Variants in EPS15 observed in about 807,000 individuals in gnomAD.
The protein encoded by EPS15 is epidermal growth factor receptor substrate 15.
EPS15 carries 72 observed loss-of-function variants against 113.8 expected under a neutral mutation model. The observed-to-expected ratio is 0.63, with a 90% CI of 0.52 to 0.77. EPS15 has a LOEUF of 0.77. Ranked by LOEUF, EPS15 falls within the 30% of genes least tolerant of loss-of-function variation. The probability of loss-of-function intolerance (pLI) is 0.00; values close to 1 mark genes in which losing one functional copy is unlikely to be tolerated. For synonymous variants in EPS15, 344 were observed against 363.4 expected, an observed-to-expected ratio of 0.95 and a Z score of 0.61; for missense variants, 1,048 against 1,045.8, an observed-to-expected ratio of 1.00 and a Z score of -0.03.
intron 24 of EPS15, among the ~76,000 whole-genome samples, chr1:51,357,418 A>ATATATATATATG (rs1646256876): frequency 1.5e-5 from 1 of 68,960 alleles, no homozygotes; most frequent in Non-Finnish European, 2.5e-5. Context: ...ATATATATAT[A>ATATATATATATG]TATATATATT....
intron 11 of EPS15, among the ~76,000 whole-genome samples, chr1:51,443,066 A>G (rs2148477270): frequency 6.6e-6 from 1 of 152,316 alleles, no homozygotes; most frequent in South Asian, 2.1e-4. Context: ...TAGATAAGAT[A>G]GCAGTGATAA....
At chr1:51,400,284 A>G (rs888626062) in intron 19 of EPS15, among the ~76,000 whole-genome samples, 1 of 152,244 alleles carries the variant, frequency 6.6e-6, no homozygotes, top group Non-Finnish European at 1.5e-5. Context: ...ACAAAATTAC[A>G]TTCTAAACCC....
Position 51,363,965 on chromosome 1 carries a change from T to C in EPS15, c.2260A>G (p.Lys754Glu). Residue 754 changes from lysine to glutamate, a missense_variant, in exon 23 of 25, where the codon AAA becomes GAA. Transcript: ENST00000371733. Reference protein sequence around the residue: ...SSSVSNVVITKNVFEETSVKS... With the variant: ...SSSVSNVVITENVFEETSVKS... The stretch of plus-strand genomic sequence containing the variant: ...ACCGATGTTTCCTCAAATACATTTT[T>C]TGTAATCACTACGTTGCTGACAGAG... The C allele has an allele frequency of 2.5e-6, 4 of 1,613,956 alleles. No individual in the cohort carries two copies. Among genetic ancestry groups the C allele is most frequent in the South Asian group, 1.1e-5 (1 of 91,026 alleles).
At chr1:51,411,848 C>T (rs936317663) in intron 13 of EPS15, among the ~76,000 whole-genome samples, 10 of 152,160 alleles carry the variant, frequency 6.6e-5, no homozygotes, top group Non-Finnish European at 1.3e-4. Flanking sequence ...CCAGCAATCC[C>T]ATTACTGGGT....
In EPS15 at chr1:51,356,171, T is replaced by A; in HGVS notation, c.*529A>T. On this transcript the variant is annotated 3_prime_UTR_variant, in exon 25 of 25. Coordinates refer to ENST00000371733, the MANE Select transcript of EPS15 (RefSeq NM_001981.3). ...TAAATCTGTGCAAAATATTTTTCCTTATCTCTGAAAAACAAATTAAGTAGA... is the reference window on the plus strand; with the variant it reads ...TAAATCTGTGCAAAATATTTTTCCTAATCTCTGAAAAACAAATTAAGTAGA... 1 of 210,538 alleles carries A rather than the reference T, an allele frequency of 4.7e-6. No homozygotes were observed. The highest frequency in any genetic ancestry group is 7.2e-5 in the East Asian group (1 of 13,904). The allele number at this position is 210,538 out of a possible 1,614,324, so 13.0% of individuals were successfully genotyped here.
At chr1:51,446,595 A>T (rs1653074562) in intron 10 of EPS15, among the ~76,000 whole-genome samples, 1 of 151,998 alleles carries the variant, frequency 6.6e-6, no homozygotes, top group African/African-American at 2.4e-5. Flanking sequence ...CTGGAACTAC[A>T]GGCGCACACC....
chr1:51,402,533 T>C lies in EPS15; in HGVS notation c.1792-8A>G. On this transcript the variant is annotated splice_polypyrimidine_tract_variant and splice_region_variant and intron_variant, in intron 17 of 24. Coordinates refer to ENST00000371733, the MANE Select transcript of EPS15 (RefSeq NM_001981.3). ...TACATTAAATGGATCTTCCTAAAAA[T>C]AATTTTAAATTAAAATTATTTTTTA... 7.2e-7 allele frequency: 1 copy of C among 1,394,682 alleles called. No individual in the cohort carries two copies. Among genetic ancestry groups the C allele is most frequent in the Non-Finnish European group, 9.9e-7 (1 of 1,011,576 alleles). 86.4% of individuals were successfully genotyped at this position (1,394,682 alleles called of 1,614,324 possible).
chr1:51,506,786 G>GAA (rs79949080), intron 1 of EPS15, among the ~76,000 whole-genome samples: 5 of 98,844 alleles, frequency 5.1e-5, no homozygotes, highest in Non-Finnish European at 1.1e-4. Flanking sequence ...AAGTGTGCCA[G>GAA]AAAAAAAAAA....
intron 21 of EPS15, among the ~76,000 whole-genome samples, chr1:51,388,628 A>C (rs1431657426): frequency 6.6e-6 from 1 of 152,212 alleles, no homozygotes; most frequent in Non-Finnish European, 1.5e-5. Flanking sequence ...AAAACTGATA[A>C]AGGGGATATC....
chr1:51,457,380 T>C (rs919188840), intron 8 of EPS15, among the ~76,000 whole-genome samples: 1 of 151,536 alleles, frequency 6.6e-6, no homozygotes, highest in Non-Finnish European at 1.5e-5. Flanking sequence ...AGAGTAATGG[T>C]TGAAAATCTT....
rs1172960767 is a variant in EPS15, at chr1:51,404,209, G to T, written c.1678-677C>A. 2.6e-5 allele frequency among the ~76,000 whole-genome samples: 4 copies of T among 152,056 alleles called. No homozygotes were observed. The South Asian group carries it at 8.3e-4, about 32-fold the overall frequency. On this transcript the variant is annotated intron_variant, in intron 16 of 24. Coordinates refer to ENST00000371733, the MANE Select transcript of EPS15 (RefSeq NM_001981.3). ...AAAATGCAAAAAATTAGCCAGGTGT[G>T]GTGGCACACGCCTGTAGTCCCAGCT...
At chr1:51,508,143 T>C (rs370327436) in intron 1 of EPS15, among the ~76,000 whole-genome samples, 59 of 143,900 alleles carry the variant, frequency 4.1e-4, no homozygotes, top group East Asian at 3.1e-3. Flanking sequence ...GATCGCACCA[T>C]TGCACTCCAG....
intron 12 of EPS15, among the ~76,000 whole-genome samples, 167 bp downstream of exon 12, chr1:51,440,180 G>A (rs900821501): frequency 1.3e-5 from 2 of 151,878 alleles, no homozygotes; most frequent in African/African-American, 4.8e-5. Flanking sequence ...AAACAGAACT[G>A]TGGTACTTAA....
At chr1:51,519,126 G>T in intron 1 of EPS15, 73 bp downstream of exon 1, 1 of 1,095,182 alleles carries the variant, frequency 9.1e-7, no homozygotes, top group Non-Finnish European at 1.3e-6. Flanking sequence ...AAGCCAAGAA[G>T]TCGGCGAAGC....
intron 8 of EPS15, chr1:51,458,566 G>A (rs1292094907): frequency 1.8e-5 from 8 of 444,054 alleles, no homozygotes; most frequent in Non-Finnish European, 2.3e-5. Context: ...GCGAAACGCT[G>A]TCTCTACTAA....
intron 1 of EPS15, among the ~76,000 whole-genome samples, chr1:51,490,797 A>G (rs1257957220): frequency 6.6e-6 from 1 of 152,178 alleles, no homozygotes; most frequent in Non-Finnish European, 1.5e-5. Context: ...GAACCCACAC[A>G]TAATAAAACT....
chr1:51,461,716 C>T (rs940793692), intron 7 of EPS15: 10 of 151,928 alleles, frequency 6.6e-5, no homozygotes, highest in African/African-American at 2.4e-4. Context: ...ACTGATCACA[C>T]AGGGGAGAAA....
At chr1:51,395,455 ATTG>A (rs1647835114) in intron 20 of EPS15, among the ~76,000 whole-genome samples, 2 of 152,182 alleles carry the variant, frequency 1.3e-5, no homozygotes, top group South Asian at 2.1e-4. Context: ...CTATTTTCTA[ATTG>A]TTATCTAAAA....
At chr1:51,515,628 A>C (rs1196102738) in intron 1 of EPS15, among the ~76,000 whole-genome samples, 2 of 152,258 alleles carry the variant, frequency 1.3e-5, no homozygotes, top group Non-Finnish European at 2.9e-5. Flanking sequence ...ACACAATTGT[A>C]TCATCCAAGA....
Sources: allele counts gnomAD v4.1 joint callset (sites outside exome capture counted in the v4.1 genomes callset), GRCh38; gene constraint gnomAD v4.1.1; transcripts MANE v1.5; gene names NCBI Gene and HGNC (gene_info 2026-07-23, HGNC 2026-07-21).